CRYBB2: variants seen among roughly 807,000 people sequenced by gnomAD.
The protein encoded by CRYBB2 is crystallin beta B2.
CRYBB2 carries 12 observed loss-of-function variants against 24.3 expected under a neutral mutation model. The observed-to-expected ratio is 0.49, with a 90% CI of 0.32 to 0.80. The LOEUF (loss-of-function observed/expected upper bound fraction) is 0.80, where lower values mean the gene tolerates loss of function less well. CRYBB2 is among the 30% of genes least tolerant of loss of function. The probability of loss-of-function intolerance (pLI) is 0.04; values close to 1 mark genes in which losing one functional copy is unlikely to be tolerated. For synonymous variants in CRYBB2, 98 were observed against 101.6 expected (o/e 0.96, Z 0.21); for missense variants, 198 against 268.5 (o/e 0.74, Z 1.83).
intron 2 of CRYBB2, 25 bp from the exon 3 acceptor site, chr22:25,224,893 G>A (rs111439240): frequency 4.3e-4 from 538 of 1,247,826 alleles, no homozygotes; most frequent in Non-Finnish European, 5.9e-4. Context: ...CGTGATGAGG[G>A]TCTGAGTCTC....
At chr22:25,229,318 G>A in intron 4 of CRYBB2, 118 bp from the exon 5 acceptor site, 1 of 1,519,990 alleles carries the variant, frequency 6.6e-7, no homozygotes, top group East Asian at 2.4e-5. Context: ...TGGGTGCACT[G>A]GGAAGAGAGT....
intron 4 of CRYBB2, among the ~76,000 whole-genome samples, chr22:25,228,636 C>G (rs1338369505): frequency 1.3e-5 from 2 of 152,226 alleles, no homozygotes; most frequent in African/African-American, 2.4e-5. Flanking sequence ...GAACACGGGA[C>G]TTGGCACCCC....
At chr22:25,229,348 T>C in intron 4 of CRYBB2, 88 bp from the exon 5 acceptor site, 1 of 1,524,822 alleles carries the variant, frequency 6.6e-7, no homozygotes, top group Admixed American at 1.9e-5. Flanking sequence ...GACATGCTGA[T>C]CCCAACTCTG....
At chr22:25,220,239 G>A (rs753320089) in intron 1 of CRYBB2, among the ~76,000 whole-genome samples, 11 of 152,298 alleles carry the variant, frequency 7.2e-5, no homozygotes, top group South Asian at 4.2e-4. Flanking sequence ...CTGGGACCAC[G>A]GCCAAGTGCT....
chr22:25,226,134 C>T (rs1013688933), intron 3 of CRYBB2, among the ~76,000 whole-genome samples: 17 of 150,708 alleles, frequency 1.1e-4, no homozygotes, highest in African/African-American at 3.9e-4. Context: ...CAGAAGTAAC[C>T]ATTATTAAGA....
chr22:25,211,982 TCTGTTGC>T (rs1935112094), upstream of CRYBB2, among the ~76,000 whole-genome samples: 1 of 152,264 alleles, frequency 6.6e-6, no homozygotes, highest in African/African-American at 2.4e-5. Flanking sequence ...TCTCTGTGCT[TCTGTTGC>T]CTCATCTGTA....
chr22:25,220,618 G>A (rs1279468826), intron 1 of CRYBB2, among the ~76,000 whole-genome samples: 1 of 152,200 alleles, frequency 6.6e-6, no homozygotes, highest in African/African-American at 2.4e-5. Context: ...GGAAGCTGGC[G>A]TTATCTCTGA....
chr22:25,231,854 T>G lies in CRYBB2; in HGVS notation c.*82T>G, dbSNP rs994556713. 7 of 1,329,906 alleles carry G rather than the reference T, an allele frequency of 5.3e-6. No individual in the cohort carries two copies. The African/African-American group carries it at 8.7e-5, about 16-fold the overall frequency. 82.4% of individuals were successfully genotyped at this position (1,329,906 alleles called of 1,614,324 possible). A position where few individuals can be genotyped will look rare whatever the true frequency, so the allele number is the denominator to read the frequency against. ...CAGACCTCCCAGAGAGTGAATAAAG[T>G]GTGACTTGCAACTTGTCTGCTGTGG... On this transcript the variant is annotated 3_prime_UTR_variant, in exon 6 of 6. Coordinates refer to ENST00000398215, the MANE Select transcript of CRYBB2 (RefSeq NM_000496.3).
chr22:25,218,182 A>T (rs139468781), upstream of CRYBB2, among the ~76,000 whole-genome samples: 1 of 151,706 alleles, frequency 6.6e-6, no homozygotes, highest in African/African-American at 2.4e-5. Context: ...TGGTGTGAAC[A>T]CGGGAGGCAG....
intron 4 of CRYBB2, among the ~76,000 whole-genome samples, chr22:25,228,780 TTTTATGTGTA>T (rs1192693742): frequency 6.6e-6 from 1 of 152,212 alleles, no homozygotes; most frequent in Non-Finnish European, 1.5e-5. Context: ...GGGATAAGGG[TTTTATGTGTA>T]AAGGATGAGA....
chr22:25,228,017 C>T, intron 4 of CRYBB2, 32 bp downstream of exon 4: 3 of 1,613,866 alleles, frequency 1.9e-6, no homozygotes, highest in Non-Finnish European at 2.5e-6. Context: ...TACTCCCTCT[C>T]TCTGCCCATC....
At chr22:25,215,784 A>G (rs1329984890), upstream of CRYBB2, among the ~76,000 whole-genome samples, 1 of 152,234 alleles carries the variant, frequency 6.6e-6, no homozygotes, top group Non-Finnish European at 1.5e-5. Flanking sequence ...CGAACAAGTT[A>G]CTTAAGCTCT....
upstream of CRYBB2, among the ~76,000 whole-genome samples, chr22:25,211,811 T>A (rs1477657679): frequency 3.3e-5 from 5 of 152,208 alleles, no homozygotes; most frequent in Admixed American, 6.5e-5. Flanking sequence ...CAAGAGATCA[T>A]TTTACCAGCT....
upstream of CRYBB2, among the ~76,000 whole-genome samples, chr22:25,218,838 G>GAAAGAAAAGAAAGAAAGAAAGAA (rs386365958): frequency 1.0e-5 from 1 of 97,992 alleles, no homozygotes; most frequent in African/African-American, 4.8e-5. Context: ...AAGAAAGAAA[G>GAAAGAAAAGAAAGAAAGAAAGAA]AGAAAGAAAG....
chr22:25,218,722 G>GAA (rs1569015871), upstream of CRYBB2, among the ~76,000 whole-genome samples: 1 of 119,742 alleles, frequency 8.4e-6, no homozygotes, highest in Non-Finnish European at 1.7e-5. Flanking sequence ...GAGAGAGAGA[G>GAA]AGAGAGAGAG....
intron 1 of CRYBB2, among the ~76,000 whole-genome samples, chr22:25,220,485 C>G (rs184118858): frequency 7.8e-4 from 119 of 152,350 alleles, no homozygotes; most frequent in African/African-American, 2.8e-3. Context: ...CTCAGGCACT[C>G]TGACAAGCCC....
chr22:25,229,585 G>T lies in CRYBB2; in HGVS notation c.449+7G>T. The stretch of plus-strand genomic sequence containing the variant: ...TGCGGGTGCAGAGTGGCACGTAAGT[G>T]CGTTGCCAGCCCTGGCTCACCCTGC... On this transcript the variant is annotated splice_region_variant and intron_variant, in intron 5 of 5. Transcript: ENST00000398215. 1 of 1,614,214 alleles carries T rather than the reference G, an allele frequency of 6.2e-7. No individual in the cohort carries two copies. The highest frequency in any genetic ancestry group is 1.1e-5 in the South Asian group (1 of 91,068).
chr22:25,231,795 T>C lies in CRYBB2; in HGVS notation c.*23T>C. 1 of 1,612,598 alleles carries C rather than the reference T, an allele frequency of 6.2e-7. No homozygotes were observed. The highest frequency in any genetic ancestry group is 8.5e-7 in the Non-Finnish European group (1 of 1,178,718). On this transcript the variant is annotated 3_prime_UTR_variant, in exon 6 of 6. Coordinates refer to ENST00000398215, the MANE Select transcript of CRYBB2 (RefSeq NM_000496.3). ...TAGTGCCCTCCCCACCATGCCTCCT[T>C]CCCAGGACCCAGGTCTGCTGCCCAG...
At chr22:25,227,134 T>C (rs551236859) in intron 3 of CRYBB2, among the ~76,000 whole-genome samples, 2 of 152,380 alleles carry the variant, frequency 1.3e-5, no homozygotes, top group African/African-American at 4.8e-5. Flanking sequence ...TGTTCGCCTC[T>C]GCACTGGTTG....
Sources: gnomAD v4.1 joint callset for allele counts (sites outside exome capture counted in the v4.1 genomes callset) on GRCh38, gnomAD v4.1.1 for gene constraint, MANE v1.5 for transcripts, NCBI Gene and HGNC (gene_info 2026-07-23, HGNC 2026-07-21) for gene names.